The following ANKRD6 variants were observed in gnomAD, a reference collection of about 807,000 sequenced individuals.
ANKRD6 encodes ankyrin repeat domain 6.
A neutral mutation model predicts 82.3 loss-of-function variants in ANKRD6; 56 were observed. The observed-to-expected ratio is 0.68, with a 90% CI of 0.55 to 0.85. The LOEUF is 0.85. ANKRD6 is among the 40% of genes least tolerant of loss of function. The pLI is 0.00. For missense variants in ANKRD6, 852 were observed against 907.6 expected, an observed-to-expected ratio of 0.94 and a Z score of 0.79; for synonymous variants, 347 against 352.1, an observed-to-expected ratio of 0.99 and a Z score of 0.16.
intron 2 of ANKRD6, among the ~76,000 whole-genome samples, chr6:89,573,261 A>T (rs761897351): frequency 1.2e-4 from 19 of 152,198 alleles, no homozygotes; most frequent in Non-Finnish European, 2.1e-4. Flanking sequence ...TTACTTTTTT[A>T]AAAAATATAT....
intron 1 of ANKRD6, among the ~76,000 whole-genome samples, chr6:89,434,646 G>C (rs2127916569): frequency 6.6e-6 from 1 of 152,216 alleles, no homozygotes; most frequent in African/African-American, 2.4e-5. Flanking sequence ...TCACTGTGTT[G>C]CCTAAGCTGG....
At chr6:89,466,788 C>A (rs558158048) in intron 1 of ANKRD6, among the ~76,000 whole-genome samples, 1 of 152,276 alleles carries the variant, frequency 6.6e-6, no homozygotes, top group African/African-American at 2.4e-5. Context: ...CTCACTGCAG[C>A]CTCAACCTCC....
intron 1 of ANKRD6, among the ~76,000 whole-genome samples, chr6:89,434,608 A>G (rs1770389741): frequency 6.6e-6 from 1 of 152,056 alleles, no homozygotes; most frequent in South Asian, 2.1e-4. Flanking sequence ...CTAATTTTGA[A>G]TTTTTTTATT....
At chr6:89,520,330 A>G (rs568862050) in intron 1 of ANKRD6, among the ~76,000 whole-genome samples, 2 of 152,200 alleles carry the variant, frequency 1.3e-5, no homozygotes, top group Admixed American at 6.5e-5. Flanking sequence ...ACAGCTGTCT[A>G]GTCAGTTACA....
intron 1 of ANKRD6, among the ~76,000 whole-genome samples, chr6:89,532,384 G>A (rs146901047): frequency 4.1e-4 from 62 of 152,228 alleles, no homozygotes; most frequent in Admixed American, 7.2e-4. Context: ...TATTCCATCT[G>A]GAGTGCTTTT....
intron 3 of ANKRD6, 114 bp downstream of exon 3, chr6:89,596,128 T>G: frequency 1.1e-6 from 1 of 881,420 alleles, no homozygotes; most frequent in Middle Eastern, 2.5e-4. Context: ...TCGCAGCACA[T>G]TTTAGCTGCA....
At chr6:89,554,255 T>C (rs1472715827) in intron 1 of ANKRD6, among the ~76,000 whole-genome samples, 1 of 152,224 alleles carries the variant, frequency 6.6e-6, no homozygotes, top group Non-Finnish European at 1.5e-5. Context: ...TGGAGGAGAC[T>C]GTTCCCTTGT....
chr6:89,623,049 C>T (rs894999308), intron 10 of ANKRD6, among the ~76,000 whole-genome samples: 22 of 150,286 alleles, frequency 1.5e-4, no homozygotes, highest in Admixed American at 6.0e-4. Context: ...GGGCTGCATC[C>T]GAGGTCAAAG....
chr6:89,477,707 C>T (rs932197737), intron 1 of ANKRD6, among the ~76,000 whole-genome samples: 1 of 146,902 alleles, frequency 6.8e-6, no homozygotes, highest in Non-Finnish European at 1.5e-5. Context: ...GGGGGTGGAG[C>T]TTGCAGTGAG....
At chr6:89,572,334 G>A (rs1053890354) in intron 2 of ANKRD6, among the ~76,000 whole-genome samples, 12 of 152,066 alleles carry the variant, frequency 7.9e-5, no homozygotes, top group African/African-American at 2.4e-4. Flanking sequence ...GTTTTGTTTT[G>A]TAAGAAACTG....
Position 89,631,907 on chromosome 6 carries a change from T to C in ANKRD6, c.*903T>C, listed in dbSNP as rs1438421281. 1 of 152,236 alleles carries C rather than the reference T, an allele frequency of 6.6e-6. No homozygotes were observed. The highest frequency in any genetic ancestry group is 1.5e-5 in the Non-Finnish European group (1 of 68,046). The allele number at this position is 152,236 out of a possible 1,614,324, so 9.4% of individuals were successfully genotyped here. A position where few individuals can be genotyped will look rare whatever the true frequency, so the allele number is the denominator to read the frequency against. ...TTTGAAAGTATTTCATTTTGAATTCTGTCATTAACCTCAAAAGCTTTCTAC... is the reference window on the plus strand; with the variant it reads ...TTTGAAAGTATTTCATTTTGAATTCCGTCATTAACCTCAAAAGCTTTCTAC... On this transcript the variant is annotated 3_prime_UTR_variant, in exon 16 of 16. Transcript: ENST00000339746.
chr6:89,603,861 C>T (rs1797868541), intron 4 of ANKRD6, among the ~76,000 whole-genome samples: 1 of 152,074 alleles, frequency 6.6e-6, no homozygotes, highest in Non-Finnish European at 1.5e-5. Context: ...ATTAGCAAGG[C>T]GTGGTAGTGT....
At chr6:89,624,455 A>G (rs1804882751) in intron 12 of ANKRD6, 84 bp from the exon 13 acceptor site, 1 of 1,471,388 alleles carries the variant, frequency 6.8e-7, no homozygotes, top group Admixed American at 2.1e-5. Context: ...CCCCTGGTAT[A>G]CTGCCTGGCA....
intron 1 of ANKRD6, among the ~76,000 whole-genome samples, chr6:89,462,745 T>A (rs1774336793): frequency 6.6e-6 from 1 of 152,120 alleles, no homozygotes; most frequent in Non-Finnish European, 1.5e-5. Flanking sequence ...CATAACAGAC[T>A]TTCTGTTTTA....
intron 1 of ANKRD6, among the ~76,000 whole-genome samples, chr6:89,499,722 A>T (rs1485696794): frequency 1.3e-5 from 2 of 152,134 alleles, no homozygotes; most frequent in African/African-American, 4.8e-5. Flanking sequence ...TCCTACACAG[A>T]GCAAGCCACC....
intron 8 of ANKRD6, chr6:89,616,934 C>T: frequency 1.7e-6 from 1 of 587,890 alleles, no homozygotes; most frequent in Non-Finnish European, 3.2e-6. Flanking sequence ...TCCAGTTAAA[C>T]TGACGAGTGG....
intron 3 of ANKRD6, among the ~76,000 whole-genome samples, chr6:89,600,951 C>T (rs182422413): frequency 5.3e-5 from 8 of 152,214 alleles, no homozygotes; most frequent in East Asian, 1.9e-4. Context: ...GCAGAAGAAT[C>T]GCTTGAACCT....
At chr6:89,434,481 CG>C (rs1204123583) in intron 1 of ANKRD6, among the ~76,000 whole-genome samples, 7 of 152,080 alleles carry the variant, frequency 4.6e-5, no homozygotes, top group African/African-American at 1.7e-4. Flanking sequence ...GCAGCCTTGG[CG>C]GGGTTTTTGT....
Position 89,632,824 on chromosome 6 carries a change from T to TATC in ANKRD6, c.*1822_*1824dup, listed in dbSNP as rs903902245. ...TTTCTAAATCTATTCTCAAACAGGA[T>TATC]ATCACTAACCTCTTTAGAATCATTC... On this transcript the variant is annotated 3_prime_UTR_variant, in exon 16 of 16. Coordinates refer to ENST00000339746, the MANE Select transcript of ANKRD6 (RefSeq NM_001242809.2). 13 of 152,210 alleles carry TATC rather than the reference T, an allele frequency of 8.5e-5. No homozygotes were observed. Among genetic ancestry groups the TATC allele is most frequent in the Non-Finnish European group, 1.6e-4 (11 of 68,026 alleles). 9.4% of individuals were successfully genotyped at this position (152,210 alleles called of 1,614,324 possible).
Sources: gnomAD v4.1 joint callset for allele counts (sites outside exome capture counted in the v4.1 genomes callset) on GRCh38, gnomAD v4.1.1 for gene constraint, MANE v1.5 for transcripts, NCBI Gene and HGNC (gene_info 2026-07-23, HGNC 2026-07-21) for gene names.